The following LIPA variants were observed in gnomAD, a reference collection of about 807,000 sequenced individuals.
LIPA encodes the protein lysosomal acid lipase/cholesteryl ester hydrolase.
A neutral mutation model predicts 40.6 loss-of-function variants in LIPA; 26 were observed. That is an observed-to-expected ratio of 0.64 (90% CI 0.47 to 0.89). LIPA has a LOEUF of 0.89. LIPA is among the 40% of genes least tolerant of loss of function. The pLI, the probability that LIPA is intolerant of heterozygous loss-of-function variation, is 0.00. For synonymous variants in LIPA, 188 were observed against 168.4 expected (o/e 1.12, Z -0.90); for missense variants, 455 against 479.6 (o/e 0.95, Z 0.48).
chr10:89,338,575 A>C, intron 1 of LIPA: 1 of 1,282,506 alleles, frequency 7.8e-7, no homozygotes, highest in Non-Finnish European at 1.1e-6. Context: ...CCTGTGGCCC[A>C]GTTCAATTGA....
At chr10:89,230,249 G>GA (rs1160311885) in intron 3 of LIPA, among the ~76,000 whole-genome samples, 3 of 151,894 alleles carry the variant, frequency 2.0e-5, no homozygotes, top group Admixed American at 2.0e-4. Context: ...AAAACAAGAG[G>GA]AAAAAAAGTA....
At chr10:89,278,548 A>G (rs912542371) in intron 1 of LIPA, 1 of 152,190 alleles carries the variant, frequency 6.6e-6, no homozygotes, top group Non-Finnish European at 1.5e-5. Flanking sequence ...CAAGTTCCCC[A>G]GGGCCACACA....
At chr10:89,332,657 A>G (rs781472126) in intron 1 of LIPA, 6 of 1,610,170 alleles carry the variant, frequency 3.7e-6, no homozygotes, top group Non-Finnish European at 1.7e-6. Context: ...CTGATAGGAA[A>G]CAGAATTTCT....
chr10:89,247,830 T>G, intron 1 of LIPA, 181 bp from the exon 2 acceptor site: 1 of 292,432 alleles, frequency 3.4e-6, no homozygotes, highest in Non-Finnish European at 6.0e-6. Context: ...TTTTAAATTT[T>G]ATTTATTTAT....
chr10:89,361,590 C>T (rs1367359683), intron 2 of LIPA, among the ~76,000 whole-genome samples: 3 of 152,114 alleles, frequency 2.0e-5, no homozygotes, highest in Admixed American at 1.3e-4. Context: ...GAGTTCAAAA[C>T]CTATCTAACT....
At position 89,318,417 on chromosome 10, in the gene LIPA, G is replaced by T. The variant is rs945383444; in HGVS notation, c.-2+24194C>A. 2.0e-5 allele frequency among the ~76,000 whole-genome samples: 3 copies of T among 152,156 alleles called. No homozygotes were observed. The South Asian group carries it at 6.2e-4, about 31-fold the overall frequency. ...TAAAAAAAGCAGGGTTGCAATCCTA[G>T]TCTCTGATAAAACAGACTTTAACCA... On this transcript the variant is annotated intron_variant, in intron 1 of 5. Transcript: ENST00000282673.
At chr10:89,216,160 T>C in intron 8 of LIPA, 151 bp from the exon 9 acceptor site, 2 of 678,354 alleles carry the variant, frequency 2.9e-6, no homozygotes, top group East Asian at 2.7e-5. Flanking sequence ...TTAAATGAGA[T>C]GGCATGGTTT....
At chr10:89,368,926 T>TCACACACACA (rs3063812) in intron 2 of LIPA, among the ~76,000 whole-genome samples, 7 of 148,824 alleles carry the variant, frequency 4.7e-5, no homozygotes, top group East Asian at 2.0e-4. Context: ...AACACAAAAC[T>TCACACACACA]CACACACACA....
At chr10:89,319,893 G>A (rs1451079068) in intron 1 of LIPA, among the ~76,000 whole-genome samples, 1 of 152,120 alleles carries the variant, frequency 6.6e-6, no homozygotes, top group Non-Finnish European at 1.5e-5. Context: ...TTCATCACTG[G>A]GATGCAAGGC....
At chr10:89,281,634 CA>C (rs1234894266) in intron 1 of LIPA, among the ~76,000 whole-genome samples, 1 of 152,224 alleles carries the variant, frequency 6.6e-6, no homozygotes, top group African/African-American at 2.4e-5. Context: ...GATGTGAACT[CA>C]AGCACTGATA....
chr10:89,288,277 G>C (rs879459784), intron 1 of LIPA, among the ~76,000 whole-genome samples: 2 of 152,092 alleles, frequency 1.3e-5, no homozygotes, highest in South Asian at 2.1e-4. Flanking sequence ...TGGATACCTA[G>C]TTTTACCATC....
intron 1 of LIPA, among the ~76,000 whole-genome samples, chr10:89,311,365 A>C (rs1337006667): frequency 6.6e-6 from 1 of 151,976 alleles, no homozygotes; most frequent in East Asian, 1.9e-4. Context: ...TCTACCAAAA[A>C]AAATACAAAA....
chr10:89,331,321 G>A (rs936920556), intron 1 of LIPA, among the ~76,000 whole-genome samples: 5 of 152,086 alleles, frequency 3.3e-5, no homozygotes, highest in African/African-American at 1.2e-4. Flanking sequence ...ATAGGAGCAC[G>A]CCACTATGCC....
intron 2 of LIPA, among the ~76,000 whole-genome samples, chr10:89,368,851 C>T (rs993381062): frequency 5.9e-5 from 9 of 151,876 alleles, no homozygotes; most frequent in African/African-American, 2.2e-4. Context: ...TACCCCCAGA[C>T]CATCACTTTA....
chr10:89,311,330 C>G (rs1418771462), intron 1 of LIPA, among the ~76,000 whole-genome samples: 1 of 151,942 alleles, frequency 6.6e-6, no homozygotes, highest in Non-Finnish European at 1.5e-5. Flanking sequence ...CCAGACCAGC[C>G]TGATCAATAT....
intron 1 of LIPA, among the ~76,000 whole-genome samples, chr10:89,285,764 G>A (rs1351463371): frequency 6.6e-6 from 1 of 150,918 alleles, no homozygotes; most frequent in Non-Finnish European, 1.5e-5. Flanking sequence ...CCTTCTCTCT[G>A]TGTCTCTACC....
chr10:89,367,098 T>C (rs905848584), intron 2 of LIPA, among the ~76,000 whole-genome samples: 4 of 149,902 alleles, frequency 2.7e-5, no homozygotes, highest in Non-Finnish European at 5.9e-5. Context: ...CACTGCCTGT[T>C]CTCACTCATA....
Position 89,412,688 on chromosome 10 carries a change from C to T in LIPA, c.61+103G>A, listed in dbSNP as rs146552942. On this transcript the variant is annotated intron_variant, in intron 2 of 8. Transcript: ENST00000371837. ...GAAGTCAGTGAAACCACGAACCCAC[C>T]GGGAGGAACGAACAACTCCGGACGC... The T allele has an allele frequency of 2.1e-3, 881 of 412,696 alleles. 1 individual carries two copies. The highest frequency in any genetic ancestry group is 3.4e-3 in the Non-Finnish European group (715 of 209,894). The allele number at this position is 412,696 out of a possible 1,614,324, so 25.6% of individuals were successfully genotyped here. A position where few individuals can be genotyped will look rare whatever the true frequency, so the allele number is the denominator to read the frequency against.
intron 1 of LIPA, among the ~76,000 whole-genome samples, chr10:89,318,138 C>G (rs1406776337): frequency 6.6e-6 from 1 of 152,148 alleles, no homozygotes; most frequent in Non-Finnish European, 1.5e-5. Flanking sequence ...ACCATCGGTG[C>G]TAGGAAGAAA....
Sources: allele counts gnomAD v4.1 joint callset (sites outside exome capture counted in the v4.1 genomes callset), GRCh38; gene constraint gnomAD v4.1.1; transcripts MANE v1.5; gene names NCBI Gene and HGNC (gene_info 2026-07-23, HGNC 2026-07-21).